Variants in RBFOX1 observed in about 807,000 individuals in gnomAD.
RBFOX1 encodes RNA binding protein fox-1 homolog 1.
RBFOX1 carries 8 observed loss-of-function variants against 57.7 expected under a neutral mutation model. That is an observed-to-expected ratio of 0.14 (90% CI 0.08 to 0.25). The LOEUF is 0.25. Ranked by LOEUF, RBFOX1 falls within the 10% of genes least tolerant of loss-of-function variation. The pLI is 1.00. For synonymous variants in RBFOX1, 326 were observed against 222.4 expected, an observed-to-expected ratio of 1.47 and a Z score of -4.15; for missense variants, 611 against 548.5, an observed-to-expected ratio of 1.11 and a Z score of -1.14.
At chr16:6,748,238 G>C (rs1235170782) in intron 3 of RBFOX1, among the ~76,000 whole-genome samples, 1 of 151,984 alleles carries the variant, frequency 6.6e-6, no homozygotes, top group African/African-American at 2.4e-5. Flanking sequence ...AATTCCAGAA[G>C]TATACAGACC....
Position 7,130,032 on chromosome 16 carries a change from A to ATT in RBFOX1, c.27+77951_27+77952dup, listed in dbSNP as rs58634498. 6.4e-3 allele frequency among the ~76,000 whole-genome samples: 854 copies of ATT among 133,370 alleles called. 16 individuals are homozygous for ATT. The highest frequency in any genetic ancestry group is 0.022 in the African/African-American group (789 of 35,162). The allele number at this position is 133,370 out of a possible 152,430, so 87.5% of individuals were successfully genotyped here. A position where few individuals can be genotyped will look rare whatever the true frequency, so the allele number is the denominator to read the frequency against. ...CCTCTAATCTTCTTCATTTTTGAAG[A>ATT]TTTTTTTTTTTTTTTTTTGAGACAG... On this transcript the variant is annotated intron_variant, in intron 4 of 15. Coordinates refer to ENST00000550418, the MANE Select transcript of RBFOX1 (RefSeq NM_018723.4).
rs558196186 is a variant in RBFOX1, at chr16:6,231,736, G to A, written c.-126-85259G>A. On this transcript the variant is annotated intron_variant, in intron 1 of 15. Coordinates refer to ENST00000550418, the MANE Select transcript of RBFOX1 (RefSeq NM_018723.4). ...GGAAGGAGCAAGTGGTGTTGTGTAT[G>A]CTGTATATGTGCCATTCTCTGATGG... Among the ~76,000 whole-genome samples the A allele has an allele frequency of 3.9e-5, 6 of 152,134 alleles. No individual in the cohort carries two copies. In the South Asian group the frequency reaches 6.2e-4, roughly 16 times the overall value.
chr16:5,466,342 G>A (rs1044005826), intron 1 of RBFOX1, among the ~76,000 whole-genome samples: 1 of 152,106 alleles, frequency 6.6e-6, no homozygotes, highest in African/African-American at 2.4e-5. Context: ...AGACCAAGGG[G>A]AGCATGTGTG....
At chr16:7,143,511 C>T (rs116567744) in intron 4 of RBFOX1, among the ~76,000 whole-genome samples, 1 of 152,076 alleles carries the variant, frequency 6.6e-6, no homozygotes, top group African/African-American at 2.4e-5. Context: ...CTACCCCCGC[C>T]CCTGGAGGCA....
Position 7,327,416 on chromosome 16 carries a change from C to G in RBFOX1, c.28-190731C>G, listed in dbSNP as rs148204512. On this transcript the variant is annotated intron_variant, in intron 4 of 15. Coordinates refer to ENST00000550418, the MANE Select transcript of RBFOX1 (RefSeq NM_018723.4). ...GCCTCAGATGCTGTAGGAAATTTTCCATTACCCACTTTTGTCTGGAAACAA... is the reference window on the plus strand; with the variant it reads ...GCCTCAGATGCTGTAGGAAATTTTCGATTACCCACTTTTGTCTGGAAACAA... Among the ~76,000 whole-genome samples, 262 of 152,258 alleles carry G rather than the reference C, an allele frequency of 1.7e-3. 1 individual carries two copies. Among genetic ancestry groups the G allele is most frequent in the East Asian group, 0.015 (80 of 5,170 alleles).
intron 4 of RBFOX1, among the ~76,000 whole-genome samples, chr16:5,923,274 A>G (rs1186986210): frequency 6.6e-6 from 1 of 152,196 alleles, no homozygotes; most frequent in East Asian, 1.9e-4. Flanking sequence ...AAGAGAGGAG[A>G]AGAAGAATGC....
intron 4 of RBFOX1, among the ~76,000 whole-genome samples, chr16:5,921,923 G>A (rs2058831666): frequency 6.6e-6 from 1 of 152,050 alleles, no homozygotes; most frequent in African/African-American, 2.4e-5. Context: ...AAGGCAAGGT[G>A]GGAGGATCGC....
At chr16:7,135,089 C>A (rs1206948112) in intron 4 of RBFOX1, among the ~76,000 whole-genome samples, 1 of 152,100 alleles carries the variant, frequency 6.6e-6, no homozygotes, top group African/African-American at 2.4e-5. Context: ...TTTGGTAAAA[C>A]TGACTTATCC....
chr16:5,494,427 C>G (rs370103425), intron 2 of RBFOX1, among the ~76,000 whole-genome samples: 1 of 152,200 alleles, frequency 6.6e-6, no homozygotes. Flanking sequence ...TTCTTTTGCA[C>G]ATGCCTGGAA....
intron 3 of RBFOX1, among the ~76,000 whole-genome samples, chr16:7,003,721 A>T (rs575990776): frequency 5.3e-5 from 8 of 152,278 alleles, no homozygotes; most frequent in South Asian, 2.1e-4. Context: ...AAACAATGTA[A>T]TTAAGTTAGT....
At chr16:6,259,410 C>T (rs183393253) in intron 1 of RBFOX1, among the ~76,000 whole-genome samples, 1 of 152,088 alleles carries the variant, frequency 6.6e-6, no homozygotes, top group Non-Finnish European at 1.5e-5. Context: ...AAGCTGCCTT[C>T]TTGGTCAGTG....
chr16:5,624,695 C>T (rs1284874854), intron 3 of RBFOX1, among the ~76,000 whole-genome samples: 2 of 152,266 alleles, frequency 1.3e-5, no homozygotes, highest in Non-Finnish European at 2.9e-5. Context: ...TACTGCAATG[C>T]ATATGCATCA....
At chr16:7,477,020 A>G (rs1200720809) in intron 4 of RBFOX1, among the ~76,000 whole-genome samples, 4 of 152,048 alleles carry the variant, frequency 2.6e-5, no homozygotes, top group Admixed American at 6.6e-5. Context: ...TGTACCTAAC[A>G]CTTGCTGTCA....
intron 4 of RBFOX1, among the ~76,000 whole-genome samples, chr16:7,075,626 G>T (rs1451768654): frequency 2.0e-5 from 3 of 151,956 alleles, no homozygotes; most frequent in East Asian, 3.9e-4. Context: ...TGTTGCGCAG[G>T]CTGGAGTGCA....
intron 3 of RBFOX1, among the ~76,000 whole-genome samples, chr16:5,802,476 G>A (rs1316991867): frequency 6.6e-6 from 1 of 152,126 alleles, no homozygotes; most frequent in Non-Finnish European, 1.5e-5. Flanking sequence ...AAAGCTTAAA[G>A]TGATTCTTGG....
intron 4 of RBFOX1, among the ~76,000 whole-genome samples, chr16:7,085,317 T>C (rs1276328105): frequency 6.6e-6 from 1 of 152,200 alleles, no homozygotes; most frequent in Non-Finnish European, 1.5e-5. Context: ...GGTTATCACT[T>C]TGAAAATGTA....
At chr16:5,450,599 T>C (rs1334118758) in intron 1 of RBFOX1, among the ~76,000 whole-genome samples, 1 of 152,120 alleles carries the variant, frequency 6.6e-6, no homozygotes, top group Non-Finnish European at 1.5e-5. Flanking sequence ...TTTGCTTGGA[T>C]TTATGCAAAT....
intron 10 of RBFOX1, among the ~76,000 whole-genome samples, chr16:7,628,137 C>T (rs1272935024): frequency 6.6e-6 from 1 of 152,042 alleles, no homozygotes; most frequent in African/African-American, 2.4e-5. Flanking sequence ...ACTGAAATGT[C>T]CTTCTGTGTA....
intron 3 of RBFOX1, among the ~76,000 whole-genome samples, chr16:6,814,861 G>C (rs949298298): frequency 6.6e-6 from 1 of 152,108 alleles, no homozygotes; most frequent in Non-Finnish European, 1.5e-5. Context: ...CGCCAAGAGA[G>C]GGTTCTTGGA....
Sources: gnomAD v4.1 joint callset for allele counts (sites outside exome capture counted in the v4.1 genomes callset) on GRCh38, gnomAD v4.1.1 for gene constraint, MANE v1.5 for transcripts, NCBI Gene and HGNC (gene_info 2026-07-23, HGNC 2026-07-21) for gene names.